Variants in RAPGEF6 observed in about 807,000 individuals in gnomAD.
RAPGEF6 encodes the protein PDZ domain containing guanine nucleotide exchange factor (GEF) 2.
A neutral mutation model predicts 171.4 loss-of-function variants in RAPGEF6; 56 were observed. That is an observed-to-expected ratio of 0.33 (90% CI 0.26 to 0.41). The LOEUF is 0.41. RAPGEF6 is among the 10% of genes least tolerant of loss of function. RAPGEF6 has a pLI of 1.00. For synonymous variants in RAPGEF6, 692 were observed against 650.1 expected (o/e 1.06, Z -0.98); for missense variants, 1,674 against 1,921.4 (o/e 0.87, Z 2.41).
At chr5:131,590,762 ACTAGTAGTGAATTATTG>A (rs1329745278) in intron 4 of RAPGEF6, among the ~76,000 whole-genome samples, 5 of 152,236 alleles carry the variant, frequency 3.3e-5, no homozygotes, top group Non-Finnish European at 5.9e-5. Context: ...TTGATCACAA[ACTAGTAGTGAATTATTG>A]CAGTTGATTA....
intron 24 of RAPGEF6, among the ~76,000 whole-genome samples, chr5:131,434,509 G>A (rs914915758): frequency 6.6e-6 from 1 of 152,186 alleles, no homozygotes; most frequent in African/African-American, 2.4e-5. Context: ...AAATTGCTGG[G>A]ATTACAGGTA....
chr5:131,444,643 G>C (rs948547388), intron 22 of RAPGEF6, among the ~76,000 whole-genome samples: 4 of 152,040 alleles, frequency 2.6e-5, no homozygotes, highest in Non-Finnish European at 4.4e-5. Flanking sequence ...AGAAAGAAAG[G>C]CCTAAAGATT....
At chr5:131,582,378 T>C (rs537558719) in intron 4 of RAPGEF6, among the ~76,000 whole-genome samples, 4 of 152,284 alleles carry the variant, frequency 2.6e-5, no homozygotes, top group African/African-American at 7.2e-5. Context: ...GCTGGAACAA[T>C]TGAGGATGCA....
chr5:131,507,288 T>C (rs1757435326), intron 9 of RAPGEF6, among the ~76,000 whole-genome samples: 1 of 150,920 alleles, frequency 6.6e-6, no homozygotes, highest in South Asian at 2.1e-4. Context: ...GAAATAACTC[T>C]TTGAGTTCTA....
At chr5:131,492,194 G>A (rs1756329746) in intron 14 of RAPGEF6, among the ~76,000 whole-genome samples, 1 of 152,068 alleles carries the variant, frequency 6.6e-6, no homozygotes, top group Non-Finnish European at 1.5e-5. Flanking sequence ...ACTTACATTT[G>A]AGAGTACTAT....
At chr5:131,432,548 G>A (rs1751774236) in intron 25 of RAPGEF6, among the ~76,000 whole-genome samples, 1 of 152,116 alleles carries the variant, frequency 6.6e-6, no homozygotes, top group Non-Finnish European at 1.5e-5. Flanking sequence ...AACCCAGGAG[G>A]CGGAGCTTGC....
At chr5:131,481,225 CT>C (rs887732156) in intron 15 of RAPGEF6, among the ~76,000 whole-genome samples, 64 of 149,020 alleles carry the variant, frequency 4.3e-4, no homozygotes, top group Non-Finnish European at 8.2e-4. Flanking sequence ...ATGCCTGGCC[CT>C]TTTTTTTTCC....
intron 5 of RAPGEF6, among the ~76,000 whole-genome samples, chr5:131,555,919 C>T (rs545702389): frequency 2.6e-5 from 4 of 152,238 alleles, no homozygotes; most frequent in South Asian, 4.1e-4. Flanking sequence ...GTATAGCCTA[C>T]TACTTATCTA....
intron 22 of RAPGEF6, among the ~76,000 whole-genome samples, chr5:131,444,866 T>A (rs961012895): frequency 6.6e-6 from 1 of 152,192 alleles, no homozygotes; most frequent in African/African-American, 2.4e-5. Context: ...TTAATAAATA[T>A]GTACATGGCT....
intron 5 of RAPGEF6, among the ~76,000 whole-genome samples, chr5:131,558,418 T>C (rs1761379154): frequency 6.6e-6 from 1 of 152,166 alleles, no homozygotes; most frequent in Non-Finnish European, 1.5e-5. Context: ...TCTTAGTCTT[T>C]TCTGAGACTC....
intron 7 of RAPGEF6, 115 bp downstream of exon 7, chr5:131,521,275 C>A: frequency 9.0e-7 from 1 of 1,108,728 alleles, no homozygotes; most frequent in Non-Finnish European, 1.2e-6. Context: ...TTTCTAAAGA[C>A]CTTACGCTTG....
intron 16 of RAPGEF6, 81 bp downstream of exon 16, chr5:131,479,432 A>C (rs1755321483): frequency 6.7e-7 from 1 of 1,498,492 alleles, no homozygotes; most frequent in Non-Finnish European, 9.1e-7. Context: ...AGCAAAACTT[A>C]CCCAAGCCTC....
At position 131,508,115 on chromosome 5, in the gene RAPGEF6, C is replaced by A. The variant is rs749566225; in HGVS notation, c.898G>T (p.Val300Leu). ...RELCSVMIFE[V>L]VEQAGAIILE... ...ATAATAGCTCCAGCCTGCTCTACCA[C>A]TTCAAAAATCATCACTGAGCAGAGT... Residue 300 changes from valine to leucine, a missense_variant, in exon 9 of 28, where the codon GTG becomes TTG. Val to Leu is a conservative substitution (Grantham distance 32, BLOSUM62 1). Transcript: ENST00000509018. 2.5e-6 allele frequency: 4 copies of A among 1,613,426 alleles called. No individual in the cohort carries two copies. Among genetic ancestry groups the A allele is most frequent in the Non-Finnish European group, 3.4e-6 (4 of 1,179,646 alleles).
chr5:131,553,825 A>T (rs1307407141), intron 5 of RAPGEF6, among the ~76,000 whole-genome samples: 2 of 152,114 alleles, frequency 1.3e-5, no homozygotes, highest in East Asian at 3.8e-4. Flanking sequence ...GGGAGTTAGT[A>T]AACTGGGAAG....
In RAPGEF6 at chr5:131,433,514, G is replaced by T. The variant is rs1295848707; in HGVS notation, c.3890C>A (p.Ala1297Asp). The T allele has an allele frequency of 1.2e-6, 2 of 1,613,890 alleles. No individual in the cohort carries two copies. Among genetic ancestry groups the T allele is most frequent in the Non-Finnish European group, 1.7e-6 (2 of 1,179,770 alleles). ...CCCAGTGGATTCAGGGACTGCCAGG[G>T]CCTGAGAGGAACACCGTTCATCCTG... Reference protein sequence around the residue: ...ALQDERCSSQALAVPESTGAL... With the variant: ...ALQDERCSSQDLAVPESTGAL... Residue 1297 changes from alanine (A) to aspartate (D), a missense_variant, in exon 25 of 28, where the codon GCC (alanine) becomes GAC (aspartate). Transcript: ENST00000509018.
intron 5 of RAPGEF6, among the ~76,000 whole-genome samples, chr5:131,552,052 T>C (rs2149954562): frequency 6.6e-6 from 1 of 152,236 alleles, no homozygotes; most frequent in African/African-American, 2.4e-5. Context: ...GTCCTTGATC[T>C]ACCAGACAGT....
intron 5 of RAPGEF6, among the ~76,000 whole-genome samples, chr5:131,551,801 C>G: frequency 6.6e-6 from 1 of 151,848 alleles, no homozygotes; most frequent in East Asian, 1.9e-4. Flanking sequence ...GTACCAAATG[C>G]AAAGAAAAAT....
rs1665947938 is a variant in RAPGEF6, at chr5:131,424,376, T to A, written c.*2890A>T. 1 of 152,376 alleles carries A rather than the reference T, an allele frequency of 6.6e-6. No individual in the cohort carries two copies. Among genetic ancestry groups the A allele is most frequent in the Non-Finnish European group, 1.5e-5 (1 of 68,028 alleles). The allele number at this position is 152,376 out of a possible 1,614,324, so 9.4% of individuals were successfully genotyped here. A position where few individuals can be genotyped will look rare whatever the true frequency, so the allele number is the denominator to read the frequency against. On this transcript the variant is annotated 3_prime_UTR_variant, in exon 28 of 28. Coordinates refer to ENST00000509018, the MANE Select transcript of RAPGEF6 (RefSeq NM_016340.6). ...CACTTTTCTGAAGATTTATCCCGTT[T>A]TTCTAGCCTTTAAGGTAATGCTGAA...
intron 4 of RAPGEF6, among the ~76,000 whole-genome samples, chr5:131,574,827 C>T (rs1762514151): frequency 6.6e-6 from 1 of 152,086 alleles, no homozygotes. Flanking sequence ...CCCATTAAAA[C>T]CTAATCACCC....
Sources: allele counts gnomAD v4.1 joint callset (sites outside exome capture counted in the v4.1 genomes callset), GRCh38; gene constraint gnomAD v4.1.1; transcripts MANE v1.5; gene names NCBI Gene and HGNC (gene_info 2026-07-23, HGNC 2026-07-21).